The following CMTM7 variants were observed in gnomAD, a reference collection of about 807,000 sequenced individuals.
The protein encoded by CMTM7 is CKLF-like MARVEL transmembrane domain-containing protein 7.
In CMTM7, 7 loss-of-function variants were observed where a neutral mutation model predicts 19.3. The observed-to-expected ratio is 0.36, with a 90% CI of 0.21 to 0.68. CMTM7 has a LOEUF of 0.68. CMTM7 is among the 30% of genes least tolerant of loss of function. The pLI is 0.60. For synonymous variants in CMTM7, 87 were observed against 99.3 expected, an observed-to-expected ratio of 0.88 and a Z score of 0.74; for missense variants, 193 against 232.6, an observed-to-expected ratio of 0.83 and a Z score of 1.11.
At chr3:32,451,911 C>T (rs1050306840) in intron 3 of CMTM7, 4 of 421,438 alleles carry the variant, frequency 9.5e-6, no homozygotes, top group Non-Finnish European at 1.8e-5. Context: ...GTAAAGGCCT[C>T]GGCTTCTGGC....
chr3:32,436,006 A>G (rs917504254), intron 1 of CMTM7, among the ~76,000 whole-genome samples: 6 of 152,246 alleles, frequency 3.9e-5, no homozygotes, highest in Non-Finnish European at 8.8e-5. Flanking sequence ...GGACAAACAT[A>G]GAATCTGGTT....
chr3:32,443,872 T>C (rs1696716123), intron 2 of CMTM7, among the ~76,000 whole-genome samples: 1 of 152,208 alleles, frequency 6.6e-6, no homozygotes, highest in African/African-American at 2.4e-5. Flanking sequence ...TTTGAAGAAA[T>C]GTCTATTCGA....
chr3:32,398,962 A>G (rs796873415), intron 1 of CMTM7, among the ~76,000 whole-genome samples: 6 of 152,272 alleles, frequency 3.9e-5, no homozygotes, highest in African/African-American at 9.6e-5. Context: ...CCTAGGTGAC[A>G]GAACAAGACC....
intron 3 of CMTM7, among the ~76,000 whole-genome samples, chr3:32,450,764 G>A (rs966019553): frequency 1.4e-4 from 21 of 152,276 alleles, no homozygotes; most frequent in South Asian, 4.1e-4. Context: ...CTGTGTTTCC[G>A]GGCCCACTTG....
chr3:32,439,850 T>G (rs1015084226), intron 1 of CMTM7, among the ~76,000 whole-genome samples: 1 of 152,202 alleles, frequency 6.6e-6, no homozygotes, highest in Non-Finnish European at 1.5e-5. Flanking sequence ...AGGGGCCACA[T>G]TTGGGGCTGG....
At chr3:32,432,673 G>A (rs957405740) in intron 1 of CMTM7, among the ~76,000 whole-genome samples, 1 of 152,220 alleles carries the variant, frequency 6.6e-6, no homozygotes, top group African/African-American at 2.4e-5. Flanking sequence ...GAGAGTAATA[G>A]TGCCTACCTT....
intron 1 of CMTM7, among the ~76,000 whole-genome samples, chr3:32,413,734 A>C (rs967820101): frequency 6.6e-6 from 1 of 152,158 alleles, no homozygotes; most frequent in Non-Finnish European, 1.5e-5. Context: ...CTATGTGGCT[A>C]TTCAAGTTTG....
At chr3:32,421,986 C>A (rs1206859419) in intron 1 of CMTM7, among the ~76,000 whole-genome samples, 1 of 151,890 alleles carries the variant, frequency 6.6e-6, no homozygotes, top group Non-Finnish European at 1.5e-5. Flanking sequence ...GTGAACTAGC[C>A]CCTACTGTCT....
At chr3:32,406,168 A>G (rs1696088134) in intron 1 of CMTM7, among the ~76,000 whole-genome samples, 1 of 152,218 alleles carries the variant, frequency 6.6e-6, no homozygotes, top group Non-Finnish European at 1.5e-5. Context: ...ATCCATTCAG[A>G]AGGTGTCCGC....
chr3:32,419,383 T>C (rs1377018208), intron 1 of CMTM7, among the ~76,000 whole-genome samples: 1 of 152,238 alleles, frequency 6.6e-6, no homozygotes, highest in Non-Finnish European at 1.5e-5. Context: ...TATTTCTTTT[T>C]CTTACCTTAT....
chr3:32,442,104 C>A, intron 2 of CMTM7, 91 bp downstream of exon 2: 1 of 1,187,032 alleles, frequency 8.4e-7, no homozygotes, highest in Non-Finnish European at 1.2e-6. Context: ...CCCGTCTGCC[C>A]ATCTCACCTC....
At chr3:32,405,512 A>G (rs1426805853) in intron 1 of CMTM7, among the ~76,000 whole-genome samples, 1 of 152,210 alleles carries the variant, frequency 6.6e-6, no homozygotes, top group African/African-American at 2.4e-5. Flanking sequence ...TTTTACATGC[A>G]GGAGCTCATT....
intron 1 of CMTM7, among the ~76,000 whole-genome samples, chr3:32,408,964 C>T (rs1308640650): frequency 6.6e-6 from 1 of 151,958 alleles, no homozygotes; most frequent in Non-Finnish European, 1.5e-5. Flanking sequence ...CTCACTGCAA[C>T]TTCCACCTCC....
At chr3:32,420,536 C>A (rs547122885) in intron 1 of CMTM7, among the ~76,000 whole-genome samples, 74 of 152,200 alleles carry the variant, frequency 4.9e-4, no homozygotes, top group Admixed American at 8.5e-4. Context: ...GCTGACTCTA[C>A]GCCAGCCTTC....
At chr3:32,405,896 A>ACATT (rs1306860008) in intron 1 of CMTM7, among the ~76,000 whole-genome samples, 1 of 152,244 alleles carries the variant, frequency 6.6e-6, no homozygotes, top group Non-Finnish European at 1.5e-5. Flanking sequence ...CTATGGTTGT[A>ACATT]CATTGTTAAG....
At chr3:32,393,978 G>C (rs1257638279) in intron 1 of CMTM7, among the ~76,000 whole-genome samples, 1 of 152,184 alleles carries the variant, frequency 6.6e-6, no homozygotes, top group Non-Finnish European at 1.5e-5. Flanking sequence ...AGAGAACAAA[G>C]ACTTGAATAA....
At chr3:32,429,254 T>C (rs372023230) in intron 1 of CMTM7, among the ~76,000 whole-genome samples, 1 of 152,118 alleles carries the variant, frequency 6.6e-6, no homozygotes, top group African/African-American at 2.4e-5. Context: ...CTCTTTTGTC[T>C]TAATGACTGT....
intron 1 of CMTM7, among the ~76,000 whole-genome samples, chr3:32,427,757 A>G (rs561553679): frequency 3.3e-5 from 5 of 152,300 alleles, no homozygotes; most frequent in Non-Finnish European, 5.9e-5. Context: ...CCTGTAGTCT[A>G]TTTCAATTTG....
At chr3:32,432,684 G>A (rs952188969) in intron 1 of CMTM7, among the ~76,000 whole-genome samples, 1 of 152,198 alleles carries the variant, frequency 6.6e-6, no homozygotes, top group Non-Finnish European at 1.5e-5. Flanking sequence ...TGCCTACCTT[G>A]TAAGCTTGTG....
Sources: allele counts gnomAD v4.1 joint callset (sites outside exome capture counted in the v4.1 genomes callset), GRCh38; gene constraint gnomAD v4.1.1; transcripts MANE v1.5; gene names NCBI Gene and HGNC (gene_info 2026-07-23, HGNC 2026-07-21).